LPCAT2: variants seen among roughly 807,000 people sequenced by gnomAD.
LPCAT2 encodes lysophosphatidylcholine acyltransferase 2.
Under a neutral mutation model 64.7 loss-of-function variants are expected in LPCAT2, and 58 were observed. That is an observed-to-expected ratio of 0.90 (90% CI 0.73 to 1.12). The LOEUF (loss-of-function observed/expected upper bound fraction) is 1.12. Among genes scored for constraint, LPCAT2 ranks in the 50% most tolerant of loss-of-function variants. LPCAT2 has a pLI of 0.00. For missense variants in LPCAT2, 579 were observed against 669.8 expected (o/e 0.86, Z 1.50); for synonymous variants, 252 against 245.3 (o/e 1.03, Z -0.26).
chr16:55,528,658 C>T (rs1456518996), intron 3 of LPCAT2, 64 bp downstream of exon 3: 3 of 1,225,158 alleles, frequency 2.4e-6, no homozygotes, highest in African/African-American at 3.0e-5. Flanking sequence ...TTAAAATAAT[C>T]ATATATAGTT....
chr16:55,527,319 A>C (rs1963184584), intron 2 of LPCAT2, among the ~76,000 whole-genome samples: 1 of 152,112 alleles, frequency 6.6e-6, no homozygotes, highest in African/African-American at 2.4e-5. Flanking sequence ...CCCCATCTCT[A>C]CTAAAAATAC....
chr16:55,528,286 A>G (rs911412068), intron 2 of LPCAT2, 91 bp from the exon 3 acceptor site: 2 of 871,590 alleles, frequency 2.3e-6, no homozygotes, highest in South Asian at 1.7e-5. Context: ...ATACTCTGAC[A>G]TGTTTTGGTT....
Position 55,536,185 on chromosome 16 carries a change from C to G in LPCAT2, c.798-1393C>G, listed in dbSNP as rs148600245. ...TTCTCAATTGCCCTTGCTCAAAGTG[C>G]TACTCCAGTTACAGATTCTAAGAAA... On this transcript the variant is annotated intron_variant, in intron 7 of 13. Coordinates refer to ENST00000262134, the MANE Select transcript of LPCAT2 (RefSeq NM_017839.5). Among the ~76,000 whole-genome samples, 339 of 152,228 alleles carry G rather than the reference C, an allele frequency of 2.2e-3. 2 individuals carry two copies. The highest frequency in any genetic ancestry group is 0.014 in the Middle Eastern group (4 of 294).
intron 8 of LPCAT2, chr16:55,539,232 C>T (rs1469853113): frequency 7.1e-6 from 1 of 140,144 alleles, no homozygotes; most frequent in African/African-American, 2.6e-5. Flanking sequence ...CATTTCCTTT[C>T]TGTGTCATGG....
At chr16:55,559,487 C>G (rs1288152585) in intron 11 of LPCAT2, among the ~76,000 whole-genome samples, 16 of 151,998 alleles carry the variant, frequency 1.1e-4, no homozygotes, top group Non-Finnish European at 2.1e-4. Flanking sequence ...TCTTGAGTGC[C>G]AATAATAACA....
chr16:55,570,016 A>C (rs918715411), intron 11 of LPCAT2, among the ~76,000 whole-genome samples: 4 of 152,218 alleles, frequency 2.6e-5, no homozygotes, highest in Non-Finnish European at 5.9e-5. Flanking sequence ...TAAATTTCTG[A>C]CATTAAGTAA....
At position 55,537,558 on chromosome 16, in the gene LPCAT2, C is replaced by T. The variant is rs1231981972; in HGVS notation, c.798-20C>T. 1 of 1,601,494 alleles carries T rather than the reference C, an allele frequency of 6.2e-7. No individual in the cohort carries two copies. Among genetic ancestry groups the T allele is most frequent in the Admixed American group, 1.7e-5 (1 of 59,220 alleles). On this transcript the variant is annotated intron_variant, in intron 7 of 13. Coordinates refer to ENST00000262134, the MANE Select transcript of LPCAT2 (RefSeq NM_017839.5). ...ACTTGCATGACTGTATAAAGATAGA[C>T]TTTTCTTTTTTCTCTTCAGCATTCA...
At chr16:55,541,901 A>AT in intron 8 of LPCAT2, 1 of 1,286,852 alleles carries the variant, frequency 7.8e-7, no homozygotes, top group Non-Finnish European at 1.0e-6. Flanking sequence ...CTTCTTTTGC[A>AT]TTTTTTCTCT....
intron 11 of LPCAT2, among the ~76,000 whole-genome samples, chr16:55,555,669 T>C (rs1963565881): frequency 6.6e-6 from 1 of 152,208 alleles, no homozygotes; most frequent in Non-Finnish European, 1.5e-5. Flanking sequence ...CAACCTTCTT[T>C]TAGGTGTAGT....
chr16:55,511,732 C>T (rs1567388156), intron 1 of LPCAT2, among the ~76,000 whole-genome samples: 1 of 151,992 alleles, frequency 6.6e-6, no homozygotes. Flanking sequence ...TTGAAGATGG[C>T]ACAGAAAAAA....
chr16:55,523,515 C>T (rs982640604), intron 1 of LPCAT2, among the ~76,000 whole-genome samples: 4 of 151,690 alleles, frequency 2.6e-5, no homozygotes, highest in Admixed American at 2.6e-4. Flanking sequence ...TAGCTGAAAA[C>T]TTATAATAGG....
At position 55,510,877 on chromosome 16, in the gene LPCAT2, A is replaced by G. The variant is rs569558021; in HGVS notation, c.171+1525A>G. ...CCATCTATTTGACTTCATATTTTGG[A>G]AAGAAACAGCATGGAATGTTGACAA... On this transcript the variant is annotated intron_variant, in intron 1 of 13. Transcript: ENST00000262134. 4.6e-5 allele frequency among the ~76,000 whole-genome samples: 7 copies of G among 152,346 alleles called. No homozygotes were observed. In the East Asian group the frequency reaches 5.8e-4, roughly 13 times the overall value.
At chr16:55,560,962 A>G (rs1176222186) in intron 11 of LPCAT2, among the ~76,000 whole-genome samples, 1 of 152,018 alleles carries the variant, frequency 6.6e-6, no homozygotes, top group African/African-American at 2.4e-5. Context: ...TATGTCATTA[A>G]CTGTTAGTTC....
At chr16:55,582,060 A>T (rs1450289362) in intron 13 of LPCAT2, among the ~76,000 whole-genome samples, 2 of 152,222 alleles carry the variant, frequency 1.3e-5, no homozygotes, top group African/African-American at 4.8e-5. Context: ...AAAACCAATT[A>T]TAGAAAGTGG....
chr16:55,550,697 C>T lies in LPCAT2; in HGVS notation c.1062-252C>T, dbSNP rs561476851. On this transcript the variant is annotated intron_variant, in intron 10 of 13. Transcript: ENST00000262134. ...TTGGGAGGCCGAGGCAGGCGGATCA[C>T]GAGGTCAATAGATCGAGACCATCCT... 2.0e-3 allele frequency among the ~76,000 whole-genome samples: 302 copies of T among 152,262 alleles called. 1 individual carries two copies. Among genetic ancestry groups the T allele is most frequent in the Middle Eastern group, 3.4e-3 (1 of 294 alleles).
intron 7 of LPCAT2, among the ~76,000 whole-genome samples, chr16:55,537,330 G>A (rs1193105181): frequency 2.6e-5 from 4 of 151,672 alleles, no homozygotes; most frequent in African/African-American, 9.7e-5. Flanking sequence ...GGTTGAGGCT[G>A]CAGTGAGCCG....
chr16:55,556,622 A>T (rs1555497225), intron 11 of LPCAT2, among the ~76,000 whole-genome samples: 1 of 151,980 alleles, frequency 6.6e-6, no homozygotes, highest in East Asian at 1.9e-4. Context: ...CTAAAAATAC[A>T]AAAAAAATTA....
At chr16:55,565,853 A>G (rs1005039568) in intron 11 of LPCAT2, among the ~76,000 whole-genome samples, 6 of 152,188 alleles carry the variant, frequency 3.9e-5, no homozygotes, top group Non-Finnish European at 8.8e-5. Flanking sequence ...AGTATATTTT[A>G]TGGCATGTGT....
At chr16:55,552,458 T>C (rs964459648) in intron 11 of LPCAT2, among the ~76,000 whole-genome samples, 1 of 152,224 alleles carries the variant, frequency 6.6e-6, no homozygotes, top group African/African-American at 2.4e-5. Flanking sequence ...TCATTTTACT[T>C]GGGTAAATAC....
Sources: gnomAD v4.1 joint callset for allele counts (sites outside exome capture counted in the v4.1 genomes callset) on GRCh38, gnomAD v4.1.1 for gene constraint, MANE v1.5 for transcripts, NCBI Gene and HGNC (gene_info 2026-07-23, HGNC 2026-07-21) for gene names.